Variants in ADAMTS17 observed in about 807,000 individuals in gnomAD.
The protein encoded by ADAMTS17 is A disintegrin and metalloproteinase with thrombospondin motifs 17.
In ADAMTS17, 113 loss-of-function variants were observed where a neutral mutation model predicts 141.5. That is an observed-to-expected ratio of 0.80 (90% CI 0.69 to 0.93). The LOEUF (loss-of-function observed/expected upper bound fraction) is 0.93. ADAMTS17 is among the 40% of genes least tolerant of loss of function. The probability of loss-of-function intolerance (pLI) is 0.00; values close to 1 mark genes in which losing one functional copy is unlikely to be tolerated. For synonymous variants in ADAMTS17, 768 were observed against 630.6 expected (o/e 1.22, Z -3.27); for missense variants, 1,659 against 1,517.9 (o/e 1.09, Z -1.54).
chr15:100,334,205 CAT>C (rs1231497014), intron 2 of ADAMTS17, among the ~76,000 whole-genome samples: 1 of 152,174 alleles, frequency 6.6e-6, no homozygotes, highest in Non-Finnish European at 1.5e-5. Context: ...GTGTGAAAGA[CAT>C]AGAGGTTTTT....
intron 18 of ADAMTS17, among the ~76,000 whole-genome samples, chr15:100,029,472 G>C (rs532346285): frequency 2.0e-5 from 3 of 152,242 alleles, no homozygotes; most frequent in Non-Finnish European, 4.4e-5. Flanking sequence ...GAGAAATGGG[G>C]AGTGCTTTGT....
At chr15:100,019,287 C>A (rs2061354422) in intron 18 of ADAMTS17, among the ~76,000 whole-genome samples, 1 of 151,960 alleles carries the variant, frequency 6.6e-6, no homozygotes, top group South Asian at 2.1e-4. Flanking sequence ...GCATACATAC[C>A]AACAGGGGAA....
At chr15:100,068,736 C>A (rs1192042854) in intron 15 of ADAMTS17, among the ~76,000 whole-genome samples, 1 of 152,148 alleles carries the variant, frequency 6.6e-6, no homozygotes, top group Non-Finnish European at 1.5e-5. Flanking sequence ...GATATCCACA[C>A]CAAAACCCCA....
intron 8 of ADAMTS17, among the ~76,000 whole-genome samples, chr15:100,180,768 T>C (rs2040496422): frequency 1.3e-5 from 2 of 152,218 alleles, no homozygotes; most frequent in African/African-American, 4.8e-5. Context: ...GGTATTTTAT[T>C]TGTAGCTATT....
chr15:100,133,224 C>A lies in ADAMTS17; in HGVS notation c.1565G>T (p.Gly522Val). The change falls in exon 11 of 22, where the codon GGG (glycine) becomes GTG (valine). Residue 522 changes from glycine (G) to valine (V), a missense_variant. Coordinates refer to ENST00000268070, the MANE Select transcript of ADAMTS17 (RefSeq NM_139057.4). ...LDPPLDGTEC[G>V]ADKWCRAGEC... ...GAAGTCAGAGGTTACCTTGTCTGCCCCACACTCGGTGCCATCCAGGGGAGG... is the reference window on the plus strand; with the variant it reads ...GAAGTCAGAGGTTACCTTGTCTGCCACACACTCGGTGCCATCCAGGGGAGG... 1 of 1,592,166 alleles carries A rather than the reference C, an allele frequency of 6.3e-7. No individual in the cohort carries two copies. The highest frequency in any genetic ancestry group is 1.7e-5 in the Admixed American group (1 of 58,136).
At chr15:99,989,833 T>C (rs2060656728) in intron 20 of ADAMTS17, among the ~76,000 whole-genome samples, 1 of 152,180 alleles carries the variant, frequency 6.6e-6, no homozygotes, top group African/African-American at 2.4e-5. Context: ...GTGGTGGATT[T>C]TGGGCAATGA....
At chr15:100,331,625 G>A (rs757895002) in intron 2 of ADAMTS17, among the ~76,000 whole-genome samples, 1 of 152,150 alleles carries the variant, frequency 6.6e-6, no homozygotes, top group Non-Finnish European at 1.5e-5. Flanking sequence ...GGAGGACCTG[G>A]TTTGAACACT....
Position 100,117,111 on chromosome 15 carries a change from G to A in ADAMTS17, c.1722-98C>T, listed in dbSNP as rs555470326. 1.0e-5 allele frequency: 15 copies of A among 1,442,562 alleles called. No homozygotes were observed. The East Asian group carries it at 3.2e-4, about 31-fold the overall frequency. The allele number at this position is 1,442,562 out of a possible 1,614,324, so 89.4% of individuals were successfully genotyped here. On this transcript the variant is annotated intron_variant, in intron 12 of 21. Coordinates refer to ENST00000268070, the MANE Select transcript of ADAMTS17 (RefSeq NM_139057.4). ...TTGCCAGGGGGAGGAGAGGAAGGGG[G>A]CAGGGCAAGGTTTCCAAAGCCACCC...
chr15:100,141,181 C>T lies in ADAMTS17; in HGVS notation c.1474-7866G>A, dbSNP rs149416975. Among the ~76,000 whole-genome samples the T allele has an allele frequency of 3.0e-3, 453 of 152,328 alleles. 3 individuals carry two copies. Among genetic ancestry groups the T allele is most frequent in the African/African-American group, 0.01 (429 of 41,576 alleles). On this transcript the variant is annotated intron_variant, in intron 10 of 21. Coordinates refer to ENST00000268070, the MANE Select transcript of ADAMTS17 (RefSeq NM_139057.4). ...CAGCATGTTTTGCTGCATAGTTCCT[C>T]GAGCGGCTGCATGATGAGCCAGCAG...
intron 13 of ADAMTS17, among the ~76,000 whole-genome samples, chr15:100,112,524 G>T (rs937457843): frequency 6.6e-6 from 1 of 152,128 alleles, no homozygotes; most frequent in Non-Finnish European, 1.5e-5. Flanking sequence ...TTTCCCTCCA[G>T]GTTGCCTTAG....
intron 18 of ADAMTS17, among the ~76,000 whole-genome samples, chr15:100,012,168 G>T (rs1401619082): frequency 6.6e-6 from 1 of 152,164 alleles, no homozygotes; most frequent in South Asian, 2.1e-4. Context: ...GTTTTCATAT[G>T]TTTGTTGGCC....
intron 3 of ADAMTS17, among the ~76,000 whole-genome samples, chr15:100,284,214 G>A (rs915280812): frequency 1.1e-4 from 16 of 152,206 alleles, no homozygotes; most frequent in African/African-American, 3.9e-4. Context: ...GCCTTGGAGA[G>A]CTAACCTAAC....
chr15:100,200,775 G>A (rs1400753733), intron 7 of ADAMTS17, among the ~76,000 whole-genome samples: 1 of 151,994 alleles, frequency 6.6e-6, no homozygotes, highest in African/African-American at 2.4e-5. Context: ...GTGGCCACCA[G>A]GAAGGAGCAC....
chr15:100,012,323 C>T (rs1265815721), intron 18 of ADAMTS17, among the ~76,000 whole-genome samples: 2 of 152,154 alleles, frequency 1.3e-5, no homozygotes, highest in African/African-American at 4.8e-5. Flanking sequence ...AAGATTTTCT[C>T]CCACTCTGTG....
rs149713787 is a variant in ADAMTS17, at chr15:100,097,439, T to G, written c.2017-963A>C. On this transcript the variant is annotated intron_variant, in intron 14 of 21. Coordinates refer to ENST00000268070, the MANE Select transcript of ADAMTS17 (RefSeq NM_139057.4). ...GTGGAGGTGAGTTAGCCCCTTCCCG[T>G]GATGCCTGGACGAGAAGCAGCACCG... is the stretch of plus-strand genomic sequence containing the variant. Among the ~76,000 whole-genome samples the G allele has an allele frequency of 2.3e-3, 355 of 152,312 alleles. 2 individuals carry two copies. The highest frequency in any genetic ancestry group is 8.2e-3 in the African/African-American group (339 of 41,582).
intron 20 of ADAMTS17, among the ~76,000 whole-genome samples, chr15:99,988,878 C>A (rs933200946): frequency 4.6e-5 from 7 of 152,192 alleles, no homozygotes; most frequent in African/African-American, 1.7e-4. Context: ...AGGTCTTGGG[C>A]AGGGCTGCTG....
At chr15:100,083,396 T>C (rs1179522709) in intron 15 of ADAMTS17, among the ~76,000 whole-genome samples, 1 of 152,210 alleles carries the variant, frequency 6.6e-6, no homozygotes, top group Non-Finnish European at 1.5e-5. Context: ...CAAAACCAAG[T>C]ATATTCATTC....
intron 7 of ADAMTS17, among the ~76,000 whole-genome samples, chr15:100,215,325 G>A (rs1020339314): frequency 1.3e-5 from 2 of 152,180 alleles, no homozygotes; most frequent in Admixed American, 1.3e-4. Context: ...TTTCATGTCT[G>A]GATCTCGTCT....
At chr15:100,166,738 G>A (rs752254670) in intron 8 of ADAMTS17, among the ~76,000 whole-genome samples, 4 of 152,194 alleles carry the variant, frequency 2.6e-5, no homozygotes, top group South Asian at 2.1e-4. Context: ...GCTATTCAAA[G>A]GTTTCCAATC....
Sources: gnomAD v4.1 joint callset for allele counts (sites outside exome capture counted in the v4.1 genomes callset) on GRCh38, gnomAD v4.1.1 for gene constraint, MANE v1.5 for transcripts, NCBI Gene and HGNC (gene_info 2026-07-23, HGNC 2026-07-21) for gene names.